The following ACSM4 variants were observed in gnomAD, a reference collection of about 807,000 sequenced individuals.
ACSM4 encodes acyl-coenzyme A synthetase ACSM4, mitochondrial.
ACSM4 carries 66 observed loss-of-function variants against 73.0 expected under a neutral mutation model. The observed-to-expected ratio is 0.90, with a 90% CI of 0.74 to 1.11. The LOEUF (loss-of-function observed/expected upper bound fraction) is 1.11, where lower values mean the gene tolerates loss of function less well. ACSM4 is among the 50% of genes least tolerant of loss of function. The pLI is 0.00. For missense variants in ACSM4, 645 were observed against 714.4 expected (o/e 0.90, Z 1.11); for synonymous variants, 222 against 254.0 (o/e 0.87, Z 1.20).
At chr12:7,310,810 A>G in intron 3 of ACSM4, 64 bp downstream of exon 3, 1 of 1,494,834 alleles carries the variant, frequency 6.7e-7, no homozygotes, top group African/African-American at 1.4e-5. Flanking sequence ...TATATCTTGG[A>G]ATCTCTTTGC....
intron 2 of ACSM4, 77 bp from the exon 3 acceptor site, chr12:7,310,462 C>T: frequency 7.2e-7 from 1 of 1,391,326 alleles, no homozygotes; most frequent in Admixed American, 2.0e-5. Flanking sequence ...GATGCTTCTC[C>T]TCACCGAGGC....
rs1946427717 is a variant in ACSM4, at chr12:7,317,259, T to A, written c.743T>A (p.Ile248Asn). The change falls in exon 4 of 13, where the codon ATT (isoleucine) becomes AAT (asparagine). Residue 248 changes from isoleucine (I) to asparagine (N), a missense_variant. Coordinates refer to ENST00000399422, the MANE Select transcript of ACSM4 (RefSeq NM_001080454.2). Reference sequence around the variant, plus strand: ...CAGCACTCTCAGAGCAGCCTCGGCATTGGGTTCACCCTCTGCGGAAGGTAG... The same window carrying A: ...CAGCACTCTCAGAGCAGCCTCGGCAATGGGTTCACCCTCTGCGGAAGGTAG... ...MAQHSQSSLG[I>N]GFTLCGRYWL... 6.3e-7 allele frequency: 1 copy of A among 1,583,572 alleles called. No individual in the cohort carries two copies. Among genetic ancestry groups the A allele is most frequent in the African/African-American group, 1.3e-5 (1 of 74,320 alleles).
At chr12:7,306,822 T>G in intron 2 of ACSM4, 79 bp downstream of exon 2, 8 of 1,290,072 alleles carry the variant, frequency 6.2e-6, no homozygotes, top group Middle Eastern at 2.1e-4. Flanking sequence ...TTGTTAGCTC[T>G]GATTAAAAGT....
At position 7,324,340 on chromosome 12, in the gene ACSM4, T is replaced by G. The variant is rs778242376; in HGVS notation, c.1376T>G (p.Met459Arg). ...TATGTCACTGGAGACAGAGGAGTGA[T>G]GGACAGTGATGGGTATTTCTGGTTT... ...DFYVTGDRGVMDSDGYFWFVG... is the reference protein window; with the variant it reads ...DFYVTGDRGVRDSDGYFWFVG... Residue 459 changes from methionine (M) to arginine (R), a missense_variant, in exon 10 of 13, where the codon ATG (methionine) becomes AGG (arginine). By Grantham distance (91) the Met-to-Arg change is moderately conservative. Transcript: ENST00000399422. The G allele has an allele frequency of 3.7e-6, 6 of 1,614,046 alleles. No homozygotes were observed. The East Asian group carries it at 6.7e-5, about 18-fold the overall frequency.
chr12:7,321,764 C>T (rs1261780132), intron 6 of ACSM4, among the ~76,000 whole-genome samples: 1 of 152,226 alleles, frequency 6.6e-6, no homozygotes, highest in Non-Finnish European at 1.5e-5. Context: ...AGGCAGGGCC[C>T]TGCTACTTAC....
chr12:7,320,447 CTTTGGGTTGTTCTCAAA>C (rs1946452508), intron 5 of ACSM4, among the ~76,000 whole-genome samples: 1 of 152,136 alleles, frequency 6.6e-6, no homozygotes, highest in Non-Finnish European at 1.5e-5. Context: ...CCAGTTCATA[CTTTGGGTTGTTCTCAAA>C]TTAAGCAATT....
At chr12:7,323,943 G>A (rs1046402388) in intron 9 of ACSM4, among the ~76,000 whole-genome samples, 5 of 152,120 alleles carry the variant, frequency 3.3e-5, no homozygotes, top group Admixed American at 6.6e-5. Context: ...TTAGGAGGCC[G>A]AGGTGGGAGG....
At chr12:7,315,294 C>T (rs770831423) in intron 3 of ACSM4, among the ~76,000 whole-genome samples, 15 of 152,086 alleles carry the variant, frequency 9.9e-5, no homozygotes, top group Non-Finnish European at 7.4e-5. Context: ...TAACCCTGTT[C>T]CCTTCAACCA....
intron 2 of ACSM4, among the ~76,000 whole-genome samples, chr12:7,310,004 G>A (rs1028626026): frequency 2.0e-5 from 3 of 151,906 alleles, no homozygotes; most frequent in South Asian, 2.1e-4. Flanking sequence ...GGGTGGTCTC[G>A]AACTCCTGGG....
intron 1 of ACSM4, among the ~76,000 whole-genome samples, chr12:7,306,315 C>T (rs944865882): frequency 6.6e-6 from 1 of 152,142 alleles, no homozygotes; most frequent in Admixed American, 6.6e-5. Context: ...TGGTCAAATG[C>T]CCACCTACTG....
At chr12:7,321,637 T>C (rs915906705) in intron 6 of ACSM4, among the ~76,000 whole-genome samples, 14 of 152,242 alleles carry the variant, frequency 9.2e-5, no homozygotes, top group Non-Finnish European at 5.9e-5. Context: ...TGATTTGTAT[T>C]CTACCCACAC....
In ACSM4 at chr12:7,310,635, A is replaced by G; in HGVS notation, c.509A>G (p.Glu170Gly). 1 of 1,613,316 alleles carries G rather than the reference A, an allele frequency of 6.2e-7. No homozygotes were observed. The highest frequency in any genetic ancestry group is 8.5e-7 in the Non-Finnish European group (1 of 1,179,652). Residue 170 changes from glutamate (E) to glycine (G), a missense_variant, in exon 3 of 13, where the codon GAG (glutamate) becomes GGG (glycine). Transcript: ENST00000399422. ...SKAKCIVASE[E>G]VAPAVESIVL... Reference sequence around the variant, plus strand: ...GCCAAGTGCATTGTGGCCAGTGAGGAGGTGGCCCCAGCGGTGGAGTCCATT... The same window carrying G: ...GCCAAGTGCATTGTGGCCAGTGAGGGGGTGGCCCCAGCGGTGGAGTCCATT...
rs372603982 is a variant in ACSM4 at position 7,307,994 on chromosome 12, G to A, written c.412+1251G>A. ...ATGTTATTAATAGTAATAGAAATTT[G>A]GAAACAACTAAATAGAAATGACTGA... is the stretch of plus-strand genomic sequence containing the variant. On this transcript the variant is annotated intron_variant, in intron 2 of 12. Transcript: ENST00000399422. Among the ~76,000 whole-genome samples the A allele has an allele frequency of 4.6e-5, 7 of 152,224 alleles. No individual in the cohort carries two copies. In the South Asian group the frequency reaches 1.5e-3, roughly 32 times the overall value.
chr12:7,318,961 TA>T (rs1172777815), intron 5 of ACSM4, among the ~76,000 whole-genome samples: 6 of 152,196 alleles, frequency 3.9e-5, no homozygotes, highest in Non-Finnish European at 7.4e-5. Flanking sequence ...TCCCATGGAC[TA>T]GGGGGAGCGG....
In ACSM4 at chr12:7,324,501, A is replaced by G; in HGVS notation, c.1439A>G (p.Tyr480Cys). The G allele has an allele frequency of 6.2e-7, 1 of 1,613,968 alleles. No homozygotes were observed. Among genetic ancestry groups the G allele is most frequent in the South Asian group, 1.1e-5 (1 of 91,086 alleles). Residue 480 changes from tyrosine to cysteine, a missense_variant and splice_region_variant, in exon 11 of 13, where the codon TAC (tyrosine) becomes TGC (cysteine). Physicochemically the swap from Tyr to Cys is radical, Grantham distance 194. Coordinates refer to ENST00000399422, the MANE Select transcript of ACSM4 (RefSeq NM_001080454.2). ...RADDVIISSG[Y>C]RIGPFEVESA... ...CAAAAACTTCTTTTCCTCTTCAGGTACCGTATTGGGCCATTTGAAGTGGAG... is the reference window on the plus strand; with the variant it reads ...CAAAAACTTCTTTTCCTCTTCAGGTGCCGTATTGGGCCATTTGAAGTGGAG...
At chr12:7,322,994 A>G (rs1261400030) in intron 7 of ACSM4, among the ~76,000 whole-genome samples, 3 of 152,204 alleles carry the variant, frequency 2.0e-5, no homozygotes, top group Admixed American at 6.5e-5. Context: ...TCCACACCTA[A>G]TGAATCAGAA....
intron 9 of ACSM4, 96 bp downstream of exon 9, chr12:7,323,656 A>G (rs1455026877): frequency 9.2e-7 from 1 of 1,082,208 alleles, no homozygotes; most frequent in African/African-American, 1.6e-5. Context: ...GCAAGCAACA[A>G]AATCTTTCAC....
At position 7,320,747 on chromosome 12, in the gene ACSM4, C is replaced by G. The variant is rs1020311603; in HGVS notation, c.944C>G (p.Thr315Arg). Reference protein sequence around the residue: ...FLDTLTTYPITTLCSPPTVYR... With the variant: ...FLDTLTTYPIRTLCSPPTVYR... ...CAGACACTTACTACTTATCCCATCACGACCCTGTGCAGTCCTCCCACTGTG... is the reference window on the plus strand; with the variant it reads ...CAGACACTTACTACTTATCCCATCAGGACCCTGTGCAGTCCTCCCACTGTG... Residue 315 changes from threonine (T) to arginine (R), a missense_variant, in exon 6 of 13, where the codon ACG becomes AGG. Thr to Arg is a moderately conservative substitution (Grantham distance 71). Transcript: ENST00000399422. 1 of 1,613,708 alleles carries G rather than the reference C, an allele frequency of 6.2e-7. No homozygotes were observed. Among genetic ancestry groups the G allele is most frequent in the East Asian group, 2.2e-5 (1 of 44,862 alleles).
intron 1 of ACSM4, among the ~76,000 whole-genome samples, chr12:7,305,244 A>G (rs1353802874): frequency 6.6e-6 from 1 of 152,228 alleles, no homozygotes; most frequent in Non-Finnish European, 1.5e-5. Flanking sequence ...TCATCTCTAG[A>G]TAAAATTTAA....
Sources: gnomAD v4.1 joint callset for allele counts (sites outside exome capture counted in the v4.1 genomes callset) on GRCh38, gnomAD v4.1.1 for gene constraint, MANE v1.5 for transcripts, NCBI Gene and HGNC (gene_info 2026-07-23, HGNC 2026-07-21) for gene names.